Variants in ARFGEF2 observed in about 807,000 individuals in gnomAD.
ARFGEF2 encodes brefeldin A-inhibited guanine nucleotide-exchange protein 2.
A neutral mutation model predicts 219.9 loss-of-function variants in ARFGEF2; 74 were observed. That is an observed-to-expected ratio of 0.34 (90% CI 0.28 to 0.41). The LOEUF is 0.41. Among genes scored for constraint, ARFGEF2 ranks in the 10% least tolerant of loss-of-function variants. The pLI is 1.00. For synonymous variants in ARFGEF2, 733 were observed against 799.2 expected, an observed-to-expected ratio of 0.92 and a Z score of 1.40; for missense variants, 1,743 against 2,218.3, an observed-to-expected ratio of 0.79 and a Z score of 4.30.
intron 22 of ARFGEF2, 146 bp downstream of exon 22, chr20:48,994,744 G>T: frequency 8.2e-7 from 1 of 1,215,502 alleles, no homozygotes; most frequent in East Asian, 2.5e-5. Flanking sequence ...TGGACGTGCT[G>T]CTTTGGCCTC....
intron 12 of ARFGEF2, among the ~76,000 whole-genome samples, 175 bp from the exon 13 acceptor site, chr20:48,974,591 T>C (rs1381768163): frequency 6.6e-6 from 1 of 152,196 alleles, no homozygotes; most frequent in African/African-American, 2.4e-5. Flanking sequence ...TCCAGGGCTT[T>C]TGCAATGTAT....
chr20:48,946,701 T>G (rs1478321037), intron 3 of ARFGEF2, among the ~76,000 whole-genome samples: 1 of 151,952 alleles, frequency 6.6e-6, no homozygotes, highest in Admixed American at 6.6e-5. Context: ...AAGGCAAGGT[T>G]TTGCCATGTT....
At chr20:48,997,655 G>A (rs945103563) in intron 23 of ARFGEF2, among the ~76,000 whole-genome samples, 3 of 152,072 alleles carry the variant, frequency 2.0e-5, no homozygotes, top group Non-Finnish European at 4.4e-5. Context: ...TCCTTGAACC[G>A]TTCTATACTT....
intron 7 of ARFGEF2, among the ~76,000 whole-genome samples, chr20:48,965,252 T>C (rs1320483995): frequency 1.3e-5 from 2 of 152,222 alleles, no homozygotes; most frequent in Non-Finnish European, 2.9e-5. Flanking sequence ...ATTTATTGAA[T>C]GAAATATGCT....
At chr20:49,013,538 A>G in intron 28 of ARFGEF2, 26 bp from the exon 29 acceptor site, 1 of 1,614,026 alleles carries the variant, frequency 6.2e-7, no homozygotes, top group Non-Finnish European at 8.5e-7. Flanking sequence ...CTTAGTTTAC[A>G]CCTGAGATGT....
chr20:48,997,758 C>G (rs1308912169), intron 23 of ARFGEF2, among the ~76,000 whole-genome samples: 3 of 152,190 alleles, frequency 2.0e-5, no homozygotes, highest in Admixed American at 6.5e-5. Context: ...GCTTCCAAAT[C>G]TAATTAAAAA....
At chr20:48,995,711 C>T in intron 22 of ARFGEF2, 72 bp from the exon 23 acceptor site, 1 of 1,314,988 alleles carries the variant, frequency 7.6e-7, no homozygotes, top group Non-Finnish European at 1.1e-6. Context: ...TGCGTGTTGA[C>T]ATAACAGGAT....
At chr20:49,022,324 G>A (rs2091570242) in intron 34 of ARFGEF2, among the ~76,000 whole-genome samples, 1 of 151,968 alleles carries the variant, frequency 6.6e-6, no homozygotes, top group Admixed American at 6.6e-5. Context: ...CACTTTGGGA[G>A]GCCGAGGCAG....
At chr20:48,963,121 A>C (rs2091164162) in intron 6 of ARFGEF2, among the ~76,000 whole-genome samples, 1 of 149,236 alleles carries the variant, frequency 6.7e-6, no homozygotes. Flanking sequence ...GGTTGCAGTA[A>C]GCTGGGATGG....
chr20:48,989,530 T>C, intron 19 of ARFGEF2, 26 bp from the exon 20 acceptor site: 1 of 1,614,248 alleles, frequency 6.2e-7, no homozygotes, highest in Non-Finnish European at 8.5e-7. Flanking sequence ...ACTCTGGATG[T>C]TATTGAAATC....
chr20:48,950,809 AAAATATATATATATATATATATAT>A (rs1314814124), intron 3 of ARFGEF2, among the ~76,000 whole-genome samples: 5 of 41,154 alleles, frequency 1.2e-4, no homozygotes, highest in Admixed American at 4.5e-4. Flanking sequence ...AAAAAAAAAA[AAAATATATATATATATATATATAT>A]ATATATATAT....
chr20:48,946,687 T>G (rs1170014680), intron 3 of ARFGEF2, among the ~76,000 whole-genome samples: 1 of 151,550 alleles, frequency 6.6e-6, no homozygotes, highest in Admixed American at 6.6e-5. Flanking sequence ...TTCTATTTTT[T>G]GTAAAGGCAA....
chr20:48,942,886 G>A (rs963929128), intron 3 of ARFGEF2, among the ~76,000 whole-genome samples: 7 of 152,114 alleles, frequency 4.6e-5, no homozygotes. Flanking sequence ...TAGTCTTCAT[G>A]TGTTTCTATT....
At chr20:48,979,760 C>T (rs1230060394) in intron 14 of ARFGEF2, among the ~76,000 whole-genome samples, 10 of 152,084 alleles carry the variant, frequency 6.6e-5, no homozygotes, top group African/African-American at 4.8e-5. Flanking sequence ...AGTTTATTTG[C>T]GTAGAGGTGT....
At chr20:49,025,153 G>C (rs1272076555) in intron 35 of ARFGEF2, among the ~76,000 whole-genome samples, 160 bp from the exon 36 acceptor site, 1 of 152,224 alleles carries the variant, frequency 6.6e-6, no homozygotes, top group Non-Finnish European at 1.5e-5. Context: ...CAGCCAGTGA[G>C]CAGAGTCTAA....
At chr20:48,936,605 C>T (rs541697196) in intron 1 of ARFGEF2, among the ~76,000 whole-genome samples, 147 of 152,234 alleles carry the variant, frequency 9.7e-4, no homozygotes, top group Non-Finnish European at 1.6e-3. Context: ...GCTCACTGCG[C>T]CCTTTGCCTC....
chr20:48,976,922 T>C (rs2091265677), intron 14 of ARFGEF2, among the ~76,000 whole-genome samples: 1 of 151,678 alleles, frequency 6.6e-6, no homozygotes, highest in Non-Finnish European at 1.5e-5. Context: ...CTTATTTGTT[T>C]TATTTTTTTA....
At chr20:48,958,244 G>A (rs2091116989) in intron 6 of ARFGEF2, among the ~76,000 whole-genome samples, 1 of 152,102 alleles carries the variant, frequency 6.6e-6, no homozygotes, top group Admixed American at 6.6e-5. Flanking sequence ...TGTTTTAAAT[G>A]CTTTATGTGT....
At chr20:48,949,127 G>A (rs899644754) in intron 3 of ARFGEF2, among the ~76,000 whole-genome samples, 1 of 152,226 alleles carries the variant, frequency 6.6e-6, no homozygotes, top group Admixed American at 6.5e-5. Context: ...CACAGATGAG[G>A]GGGGAAGTCA....
Sources: gnomAD v4.1 joint callset for allele counts (sites outside exome capture counted in the v4.1 genomes callset) on GRCh38, gnomAD v4.1.1 for gene constraint, MANE v1.5 for transcripts, NCBI Gene and HGNC (gene_info 2026-07-23, HGNC 2026-07-21) for gene names.